The following TMCC3 variants were observed in gnomAD, a reference collection of about 807,000 sequenced individuals.
TMCC3 encodes the protein transmembrane and coiled-coil domain family 3, also known as transmembrane and coiled-coil domain protein 3.
TMCC3 carries 28 observed loss-of-function variants against 40.2 expected under a neutral mutation model. The observed-to-expected ratio is 0.70, with a 90% confidence interval of 0.52 to 0.95. The LOEUF (loss-of-function observed/expected upper bound fraction) is 0.95, where lower values mean the gene tolerates loss of function less well. TMCC3 is among the 40% of genes least tolerant of loss of function. TMCC3 has a pLI of 0.00. For synonymous variants in TMCC3, 255 were observed against 248.5 expected (o/e 1.03, Z -0.25); for missense variants, 554 against 615.2 (o/e 0.90, Z 1.05).
At chr12:94,595,211 T>C (rs1330986716) in intron 1 of TMCC3, among the ~76,000 whole-genome samples, 4 of 152,218 alleles carry the variant, frequency 2.6e-5, no homozygotes, top group African/African-American at 9.6e-5. Flanking sequence ...TGTCTTATCA[T>C]AATCATAATC....
Position 94,571,194 on chromosome 12 carries a change from C to T in TMCC3, c.*241G>A, listed in dbSNP as rs185438701. On this transcript the variant is annotated 3_prime_UTR_variant, in exon 4 of 4. Transcript: ENST00000261226. ...TGGGCTGGTCAGGTGGGCAGGAAAT[C>T]GGTCTGATTAAGGCAGTGAGCAAGG... is the stretch of plus-strand genomic sequence containing the variant. The T allele has an allele frequency of 1.9e-6, 1 of 522,846 alleles. No individual in the cohort carries two copies. 32.4% of individuals were successfully genotyped at this position (522,846 alleles called of 1,614,324 possible).
At chr12:94,623,312 A>T (rs1183908172) in intron 1 of TMCC3, among the ~76,000 whole-genome samples, 1 of 152,064 alleles carries the variant, frequency 6.6e-6, no homozygotes, top group Non-Finnish European at 1.5e-5. Flanking sequence ...AGTGCCTACC[A>T]TGAGCTGGGC....
At chr12:94,627,764 T>C (rs151068352) in intron 1 of TMCC3, among the ~76,000 whole-genome samples, 7 of 152,356 alleles carry the variant, frequency 4.6e-5, no homozygotes, top group African/African-American at 1.7e-4. Context: ...TCCCTCTACC[T>C]CCACCTTGGG....
At chr12:94,618,672 C>T (rs559730858) in intron 1 of TMCC3, among the ~76,000 whole-genome samples, 369 of 152,234 alleles carry the variant, frequency 2.4e-3, no homozygotes, top group African/African-American at 8.1e-3. Flanking sequence ...AGTTCCTCCT[C>T]GCTCACATAT....
chr12:94,575,964 A>C (rs1274527), intron 3 of TMCC3, among the ~76,000 whole-genome samples: 95 of 151,844 alleles, frequency 6.3e-4, no homozygotes, highest in Non-Finnish European at 1.0e-3. Context: ...TAAAAAAAAA[A>C]TTTTTTTCTA....
chr12:94,615,810 C>T (rs1178960020), intron 1 of TMCC3: 1 of 579,108 alleles, frequency 1.7e-6, no homozygotes, highest in Non-Finnish European at 2.2e-6. Context: ...ATTAAGAGCA[C>T]AAAGACAAAT....
In TMCC3 at chr12:94,567,388, G is replaced by T. The variant is rs1339727194; in HGVS notation, c.*4047C>A. 6.6e-6 allele frequency: 1 copy of T among 152,188 alleles called. No individual in the cohort carries two copies. The highest frequency in any genetic ancestry group is 6.5e-5 in the Admixed American group (1 of 15,272). The allele number at this position is 152,188 out of a possible 1,614,324, so 9.4% of individuals were successfully genotyped here. On this transcript the variant is annotated 3_prime_UTR_variant, in exon 4 of 4. Transcript: ENST00000261226. ...TAAACATATCTTAAACACAGAGCAC[G>T]TTTTGTTGAAATATTTCTCTTAGGA...
At chr12:94,596,093 A>G (rs1384365523) in intron 1 of TMCC3, among the ~76,000 whole-genome samples, 1 of 152,238 alleles carries the variant, frequency 6.6e-6, no homozygotes, top group African/African-American at 2.4e-5. Context: ...AATACTTAAC[A>G]AAGAATTTAA....
intron 1 of TMCC3, among the ~76,000 whole-genome samples, chr12:94,585,107 G>A (rs2068630283): frequency 1.3e-5 from 2 of 152,248 alleles, no homozygotes; most frequent in South Asian, 4.1e-4. Flanking sequence ...TATTATATCT[G>A]ATCATGCTAC....
chr12:94,603,877 G>C (rs557808351), intron 1 of TMCC3, among the ~76,000 whole-genome samples: 1 of 151,572 alleles, frequency 6.6e-6, no homozygotes, highest in Admixed American at 6.6e-5. Context: ...AATGCACAAT[G>C]AATAAATGTT....
chr12:94,648,845 A>G (rs2069035672), intron 1 of TMCC3, among the ~76,000 whole-genome samples: 1 of 152,230 alleles, frequency 6.6e-6, no homozygotes, highest in South Asian at 2.1e-4. Flanking sequence ...ACAAGAAAAA[A>G]CAAGCTTTCA....
intron 1 of TMCC3, among the ~76,000 whole-genome samples, chr12:94,619,588 T>C (rs1388560956): frequency 6.6e-6 from 1 of 152,240 alleles, no homozygotes; most frequent in Non-Finnish European, 1.5e-5. Flanking sequence ...AGATTTATCC[T>C]ACAAATTGGT....
At chr12:94,635,768 C>T (rs1008632759) in intron 1 of TMCC3, among the ~76,000 whole-genome samples, 4 of 147,090 alleles carry the variant, frequency 2.7e-5, no homozygotes, top group South Asian at 2.2e-4. Flanking sequence ...CTCCCAGGTT[C>T]GAGCAATTCT....
intron 1 of TMCC3, among the ~76,000 whole-genome samples, chr12:94,604,232 A>G (rs1264233748): frequency 6.6e-6 from 1 of 152,244 alleles, no homozygotes; most frequent in Non-Finnish European, 1.5e-5. Flanking sequence ...ATAGTCATTT[A>G]GAAAGCCAAT....
At chr12:94,643,090 G>T (rs2068999775) in intron 1 of TMCC3, among the ~76,000 whole-genome samples, 1 of 152,126 alleles carries the variant, frequency 6.6e-6, no homozygotes, top group African/African-American at 2.4e-5. Flanking sequence ...TACTCGGGAG[G>T]CTGAGACAGG....
intron 1 of TMCC3, among the ~76,000 whole-genome samples, chr12:94,613,548 C>T (rs1465281873): frequency 6.6e-6 from 1 of 152,072 alleles, no homozygotes; most frequent in Non-Finnish European, 1.5e-5. Flanking sequence ...AAAGGTCAAA[C>T]GCAGGCAAAC....
chr12:94,604,327 G>A (rs926173261), intron 1 of TMCC3, among the ~76,000 whole-genome samples: 13 of 152,144 alleles, frequency 8.5e-5, no homozygotes, highest in African/African-American at 3.1e-4. Context: ...TTTTATGATA[G>A]CTAATGGAAC....
intron 1 of TMCC3, among the ~76,000 whole-genome samples, chr12:94,646,412 A>C (rs2138889606): frequency 6.6e-6 from 1 of 151,348 alleles, no homozygotes; most frequent in Admixed American, 6.6e-5. Flanking sequence ...TTAAATAGCT[A>C]ATATTTGAAA....
intron 1 of TMCC3, among the ~76,000 whole-genome samples, chr12:94,621,288 T>C (rs1242959746): frequency 6.6e-6 from 1 of 152,216 alleles, no homozygotes; most frequent in Non-Finnish European, 1.5e-5. Flanking sequence ...GCTCTCTCAG[T>C]TGACACAGCT....
Sources: allele counts gnomAD v4.1 joint callset (sites outside exome capture counted in the v4.1 genomes callset), GRCh38; gene constraint gnomAD v4.1.1; transcripts MANE v1.5; gene names NCBI Gene and HGNC (gene_info 2026-07-23, HGNC 2026-07-21).